ADGB: variants seen among roughly 807,000 people sequenced by gnomAD.
ADGB encodes the protein androglobin.
Under a neutral mutation model 210.5 loss-of-function variants are expected in ADGB, and 172 were observed. The observed-to-expected ratio is 0.82, with a 90% CI of 0.72 to 0.93. ADGB has a LOEUF of 0.93. Ranked by LOEUF, ADGB falls within the 40% of genes least tolerant of loss-of-function variation. ADGB has a pLI of 0.00. For missense variants in ADGB, 2,025 were observed against 1,964.8 expected, an observed-to-expected ratio of 1.03 and a Z score of -0.58; for synonymous variants, 658 against 662.7, an observed-to-expected ratio of 0.99 and a Z score of 0.11.
intron 8 of ADGB, among the ~76,000 whole-genome samples, chr6:146,674,698 C>A (rs185630262): frequency 6.6e-6 from 1 of 152,240 alleles, no homozygotes; most frequent in East Asian, 1.9e-4. Flanking sequence ...GTTTGCAGAA[C>A]TATGGGAGGA....
intron 1 of ADGB, among the ~76,000 whole-genome samples, chr6:146,624,716 G>A (rs190924313): frequency 2.8e-4 from 43 of 151,688 alleles, no homozygotes; most frequent in Middle Eastern, 6.8e-3. Flanking sequence ...TAGGTATTTC[G>A]TCCTATAAAT....
chr6:146,726,050 A>C (rs1776890195), intron 18 of ADGB, 33 bp from the exon 19 acceptor site: 1 of 1,398,852 alleles, frequency 7.1e-7, no homozygotes, highest in South Asian at 1.3e-5. Flanking sequence ...CCCAGGAAGC[A>C]CTCGGTTATC....
rs141020060 is a variant in ADGB, at chr6:146,773,978, C to CA, written c.3862+4848dup. 6.3e-3 allele frequency among the ~76,000 whole-genome samples: 962 copies of CA among 152,264 alleles called. 6 individuals carry two copies. The highest frequency in any genetic ancestry group is 0.019 in the East Asian group (99 of 5,178). On this transcript the variant is annotated intron_variant, in intron 29 of 35. Transcript: ENST00000397944. ...ACAGACAGTTTAAGAAACTTGCTCT[C>CA]AGTCACACAGCTAGTGACTGGCACA...
chr6:146,713,958 T>C (rs1776695529), intron 13 of ADGB, among the ~76,000 whole-genome samples: 1 of 152,132 alleles, frequency 6.6e-6, no homozygotes, highest in Non-Finnish European at 1.5e-5. Flanking sequence ...TTCTAAGAGC[T>C]CTTTCTTGTT....
chr6:146,743,782 C>T (rs988216968), intron 25 of ADGB, among the ~76,000 whole-genome samples: 8 of 152,108 alleles, frequency 5.3e-5, no homozygotes, highest in African/African-American at 7.2e-5. Flanking sequence ...GGCGTGGTGG[C>T]GTGCGCCTGT....
chr6:146,807,378 G>A (rs774234402), intron 35 of ADGB: 2 of 1,546,992 alleles, frequency 1.3e-6, no homozygotes, highest in Non-Finnish European at 1.7e-6. Context: ...GGAATTATTT[G>A]TTTGGGGTTT....
chr6:146,728,824 T>C, intron 20 of ADGB, 83 bp downstream of exon 20: 1 of 1,150,480 alleles, frequency 8.7e-7, no homozygotes, highest in Non-Finnish European at 1.2e-6. Context: ...ACCTCCCAAA[T>C]CAGAGCCAGA....
intron 28 of ADGB, among the ~76,000 whole-genome samples, chr6:146,768,024 A>C (rs183190645): frequency 6.6e-6 from 1 of 152,340 alleles, no homozygotes; most frequent in East Asian, 1.9e-4. Flanking sequence ...TTAACCAAAA[A>C]TATATCAGTT....
chr6:146,631,044 G>A (rs1355422057), intron 1 of ADGB, among the ~76,000 whole-genome samples: 1 of 152,098 alleles, frequency 6.6e-6, no homozygotes, highest in Non-Finnish European at 1.5e-5. Flanking sequence ...CAAAATATTG[G>A]CAAAAGTCAC....
chr6:146,800,881 G>C (rs190527273), intron 33 of ADGB, among the ~76,000 whole-genome samples: 316 of 152,178 alleles, frequency 2.1e-3, no homozygotes, highest in African/African-American at 7.3e-3. Flanking sequence ...CATAAGACTT[G>C]TTCTTATTAA....
intron 35 of ADGB, among the ~76,000 whole-genome samples, chr6:146,814,420 A>G (rs1778350964): frequency 6.6e-6 from 1 of 152,222 alleles, no homozygotes. Flanking sequence ...GACAGAAGAC[A>G]ATCTAAGAGC....
chr6:146,687,592 A>G (rs1776249647), intron 10 of ADGB, among the ~76,000 whole-genome samples: 1 of 152,016 alleles, frequency 6.6e-6, no homozygotes, highest in African/African-American at 2.4e-5. Flanking sequence ...GGACTTGAAC[A>G]CTGAGAACAC....
In ADGB at chr6:146,672,397, G is replaced by A; in HGVS notation, c.1017G>A (p.Val339=). ...AGGATGGAAAGGAAGTAAAAGACGTGAAGGAATTCAAACCTGAAAGTTCTT... is the reference window on the plus strand; with the variant it reads ...AGGATGGAAAGGAAGTAAAAGACGTAAAGGAATTCAAACCTGAAAGTTCTT... ...EIKDGKEVKD[V]KEFKPESSLT... Residue 339 remains valine (V), a synonymous_variant, in exon 8 of 36, where the codon GTG becomes GTA. Transcript: ENST00000397944. 1.3e-6 allele frequency: 2 copies of A among 1,551,398 alleles called. No individual in the cohort carries two copies.
At chr6:146,676,518 T>C in intron 9 of ADGB, 77 bp downstream of exon 9, 1 of 1,174,926 alleles carries the variant, frequency 8.5e-7, no homozygotes, top group Non-Finnish European at 1.1e-6. Context: ...AACATAGAAA[T>C]ACATTTTTTC....
chr6:146,686,787 G>A lies in ADGB; in HGVS notation c.1311+959G>A, dbSNP rs1231825740. On this transcript the variant is annotated intron_variant, in intron 10 of 35. Coordinates refer to ENST00000397944, the MANE Select transcript of ADGB (RefSeq NM_024694.4). ...AACACTTTGTTACTAGGATTTCATA[G>A]TCTGAAGTCACTACATTAAAGTATA... Among the ~76,000 whole-genome samples, 7 of 152,210 alleles carry A rather than the reference G, an allele frequency of 4.6e-5. No individual in the cohort carries two copies. In the South Asian group the frequency reaches 1.0e-3, roughly 23 times the overall value.
At chr6:146,775,986 A>T (rs1221310401) in intron 29 of ADGB, among the ~76,000 whole-genome samples, 4 of 152,110 alleles carry the variant, frequency 2.6e-5, no homozygotes, top group Non-Finnish European at 5.9e-5. Context: ...CTGAATTTTA[A>T]TCATAAAAAC....
intron 4 of ADGB, among the ~76,000 whole-genome samples, chr6:146,654,500 G>A (rs1181965169): frequency 2.6e-5 from 4 of 151,910 alleles, no homozygotes; most frequent in African/African-American, 4.8e-5. Flanking sequence ...CTACAGGGAT[G>A]TGCCATCTCC....
chr6:146,624,663 TCTTA>T (rs1364917515), intron 1 of ADGB, among the ~76,000 whole-genome samples: 7 of 151,932 alleles, frequency 4.6e-5, no homozygotes, highest in African/African-American at 9.7e-5. Flanking sequence ...GCTCTTTTTT[TCTTA>T]CTTAAGGTGG....
intron 30 of ADGB, among the ~76,000 whole-genome samples, chr6:146,782,814 G>T (rs970005786): frequency 6.6e-6 from 1 of 152,090 alleles, no homozygotes; most frequent in Non-Finnish European, 1.5e-5. Context: ...GTAAGGAAAA[G>T]GATGTGGATG....
Sources: gnomAD v4.1 joint callset for allele counts (sites outside exome capture counted in the v4.1 genomes callset) on GRCh38, gnomAD v4.1.1 for gene constraint, MANE v1.5 for transcripts, NCBI Gene and HGNC (gene_info 2026-07-23, HGNC 2026-07-21) for gene names.